RANBP2: variants seen among roughly 807,000 people sequenced by gnomAD.
RANBP2 encodes E3 SUMO-protein ligase RanBP2.
Under a neutral mutation model 303.6 loss-of-function variants are expected in RANBP2, and 57 were observed. That is an observed-to-expected ratio of 0.19 (90% CI 0.15 to 0.23). The LOEUF (loss-of-function observed/expected upper bound fraction) is 0.23. Ranked by LOEUF, RANBP2 falls within the 10% of genes least tolerant of loss-of-function variation. RANBP2 has a pLI of 1.00. For synonymous variants in RANBP2, 1,167 were observed against 1,301.5 expected (o/e 0.90, Z 2.23); for missense variants, 3,138 against 3,780.8 (o/e 0.83, Z 4.46).
chr2:109,513,148 T>G, the RANBP2 span, among the ~76,000 whole-genome samples: 13 of 152,020 alleles, frequency 8.6e-5, no homozygotes, highest in Non-Finnish European at 1.5e-4. Context: ...GCCCCGACCT[T>G]CCACTCCCGT....
the RANBP2 span, among the ~76,000 whole-genome samples, chr2:108,929,631 G>A: frequency 0.018 from 2,762 of 152,262 alleles, 43 homozygotes; most frequent in African/African-American, 0.036. Flanking sequence ...TGAATTCAGC[G>A]AGCTGCTGGA....
chr2:108,808,222 T>C, the RANBP2 span, among the ~76,000 whole-genome samples: 1 of 152,144 alleles, frequency 6.6e-6, no homozygotes, highest in Admixed American at 6.5e-5. Context: ...ATAAAGAAAA[T>C]GTATAACCAC....
the RANBP2 span, among the ~76,000 whole-genome samples, chr2:109,300,405 C>A: frequency 2.6e-5 from 4 of 152,096 alleles, no homozygotes; most frequent in South Asian, 2.1e-4. Context: ...GTCTCCAACT[C>A]CTCACCTCAA....
chr2:109,506,991 G>A, the RANBP2 span, among the ~76,000 whole-genome samples: 2 of 152,214 alleles, frequency 1.3e-5, no homozygotes, highest in Non-Finnish European at 2.9e-5. Flanking sequence ...GGGAGGCCTT[G>A]ACGGCTGGGC....
At chr2:108,740,240 C>G (rs1414931900) in intron 6 of RANBP2, among the ~76,000 whole-genome samples, 1 of 151,914 alleles carries the variant, frequency 6.6e-6, no homozygotes, top group East Asian at 1.9e-4. Context: ...TTATATTTAT[C>G]CTGTGATTGG....
the RANBP2 span, among the ~76,000 whole-genome samples, chr2:109,591,258 A>G: frequency 6.6e-6 from 1 of 152,214 alleles, no homozygotes; most frequent in East Asian, 1.9e-4. Flanking sequence ...TGCTTATTAC[A>G]TAAAAGTTGA....
chr2:108,770,122 G>T (rs1677395881), intron 20 of RANBP2, among the ~76,000 whole-genome samples: 1 of 152,220 alleles, frequency 6.6e-6, no homozygotes, highest in African/African-American at 2.4e-5. Flanking sequence ...ACCTAAGAAT[G>T]AATGTGCCTA....
At chr2:109,389,551 C>T in the RANBP2 span, among the ~76,000 whole-genome samples, 7 of 152,290 alleles carry the variant, frequency 4.6e-5, no homozygotes, top group East Asian at 1.9e-4. Flanking sequence ...ATCAATGGAT[C>T]GTTTGAAAAC....
the RANBP2 span, among the ~76,000 whole-genome samples, chr2:108,871,370 T>TAAAAAAAAAAAAAAAA: frequency 1.3e-5 from 1 of 76,674 alleles, no homozygotes; most frequent in Non-Finnish European, 2.5e-5. Context: ...CCAACTCTAT[T>TAAAAAAAAAAAAAAAA]AAAAAAAAAA....
the RANBP2 span, among the ~76,000 whole-genome samples, chr2:109,187,060 C>T: frequency 1.3e-5 from 2 of 149,826 alleles, no homozygotes; most frequent in African/African-American, 4.8e-5. Flanking sequence ...CCACCTGTCA[C>T]GGATCATTTA....
At chr2:109,302,172 C>A in the RANBP2 span, among the ~76,000 whole-genome samples, 32 of 152,148 alleles carry the variant, frequency 2.1e-4, no homozygotes, top group African/African-American at 5.6e-4. Flanking sequence ...GCAAAGCTGG[C>A]GTTGGTACTC....
chr2:109,567,757 C>T, the RANBP2 span: 3 of 1,479,440 alleles, frequency 2.0e-6, no homozygotes, highest in East Asian at 7.0e-5. Flanking sequence ...ATATTACTCA[C>T]AAATTACAGT....
At chr2:109,618,244 G>A in the RANBP2 span, 1 of 166,558 alleles carries the variant, frequency 6.0e-6, no homozygotes. Flanking sequence ...ATCTAGTGCA[G>A]AATAAGCTAT....
At chr2:109,634,830 A>G in the RANBP2 span, among the ~76,000 whole-genome samples, 1 of 152,248 alleles carries the variant, frequency 6.6e-6, no homozygotes. Context: ...CACATAATAC[A>G]AAGTCACAAC....
chr2:108,889,600 A>T, the RANBP2 span, among the ~76,000 whole-genome samples: 1 of 149,450 alleles, frequency 6.7e-6, no homozygotes, highest in South Asian at 2.1e-4. Flanking sequence ...ATTTTATCTC[A>T]TCAGTACAGC....
the RANBP2 span, among the ~76,000 whole-genome samples, chr2:108,915,215 T>C: frequency 2.0e-5 from 3 of 152,298 alleles, no homozygotes; most frequent in South Asian, 6.2e-4. Context: ...GGGCTGGCTG[T>C]TTTCTTTAGT....
At chr2:109,545,505 CATCA>C in the RANBP2 span, 1 of 1,536,134 alleles carries the variant, frequency 6.5e-7, no homozygotes, top group Non-Finnish European at 8.7e-7. Flanking sequence ...CAAGCTCTGA[CATCA>C]ATGCACAGGA....
the RANBP2 span, among the ~76,000 whole-genome samples, chr2:108,798,851 AC>A: frequency 1.7e-4 from 25 of 146,176 alleles, no homozygotes; most frequent in African/African-American, 5.1e-4. Flanking sequence ...ACACACACAC[AC>A]ATTTTTTCTG....
chr2:109,052,321 C>T, the RANBP2 span, among the ~76,000 whole-genome samples: 307 of 152,200 alleles, frequency 2.0e-3, no homozygotes, highest in African/African-American at 6.5e-3. Flanking sequence ...TAAAAATAAA[C>T]GCAGATGGTA....
Sources: allele counts gnomAD v4.1 joint callset (sites outside exome capture counted in the v4.1 genomes callset), GRCh38; gene constraint gnomAD v4.1.1; transcripts MANE v1.5; gene names NCBI Gene and HGNC (gene_info 2026-07-23, HGNC 2026-07-21).